The following IFIT2 variants were observed in gnomAD, a reference collection of about 807,000 sequenced individuals.
The protein encoded by IFIT2 is interferon-induced protein with tetratricopeptide repeats 2.
A neutral mutation model predicts 2.5 loss-of-function variants in IFIT2; 3 were observed. The ratio of observed to expected loss-of-function variants is 1.21; its 90% CI spans 0.55 to 3.14. IFIT2 has a LOEUF of 3.14. Among genes scored for constraint, IFIT2 ranks in the 30% most tolerant of loss-of-function variants. IFIT2 has a pLI of 0.03. For synonymous variants in IFIT2, 212 were observed against 200.7 expected (o/e 1.06, Z -0.48); for missense variants, 493 against 558.9 (o/e 0.88, Z 1.19).
intron 1 of IFIT2, among the ~76,000 whole-genome samples, chr10:89,302,971 A>G (rs1843454965): frequency 6.6e-6 from 1 of 150,912 alleles, no homozygotes; most frequent in Non-Finnish European, 1.5e-5. Context: ...TCTTGAAACG[A>G]TATTATTTCC....
chr10:89,304,215 T>C (rs1843463322), intron 1 of IFIT2, among the ~76,000 whole-genome samples: 1 of 152,122 alleles, frequency 6.6e-6, no homozygotes, highest in Non-Finnish European at 1.5e-5. Flanking sequence ...TCCAAATAGG[T>C]CTTAGCAAAG....
Position 89,306,760 on chromosome 10 carries a change from A to T in IFIT2, c.804A>T (p.Glu268Asp). 6.2e-7 allele frequency: 1 copy of T among 1,614,148 alleles called. No individual in the cohort carries two copies. Among genetic ancestry groups the T allele is most frequent in the Non-Finnish European group, 8.5e-7 (1 of 1,179,986 alleles). ...RRKDEPDKAI[E>D]LLKKALEYIP... ...AAGATGAGCCAGACAAAGCGATTGA[A>T]CTGCTTAAAAAGGCTTTAGAATACA... is the stretch of plus-strand genomic sequence containing the variant. The change falls in exon 2 of 2, where the codon GAA becomes GAT. Residue 268 changes from glutamate to aspartate, a missense_variant. Transcript: ENST00000371826.
Position 89,308,961 on chromosome 10 carries a change from T to C in IFIT2, c.*1586T>C, listed in dbSNP as rs570609258. The C allele has an allele frequency of 6.6e-6, 1 of 152,352 alleles. No homozygotes were observed. Among genetic ancestry groups the C allele is most frequent in the East Asian group, 1.9e-4 (1 of 5,192 alleles). 9.4% of individuals were successfully genotyped at this position (152,352 alleles called of 1,614,324 possible). ...GTTCATCTGGAATTTTGCTGTACTT[T>C]AAATCTTTCAGACTCAGCTACTGAT... On this transcript the variant is annotated 3_prime_UTR_variant, in exon 2 of 2. Transcript: ENST00000371826.
Position 89,306,339 on chromosome 10 carries a change from C to G in IFIT2, c.383C>G (p.Ser128Cys). Reference sequence around the variant, plus strand: ...GTGAAACATGTCTGTGAGAAGTTTTCCAGTCCCTATAGAATTGAGAGTCCA... The same window carrying G: ...GTGAAACATGTCTGTGAGAAGTTTTGCAGTCCCTATAGAATTGAGAGTCCA... ...DKVKHVCEKF[S>C]SPYRIESPEL... Residue 128 changes from serine (S) to cysteine (C), a missense_variant, in exon 2 of 2, where the codon TCC (serine) becomes TGC (cysteine). Coordinates refer to ENST00000371826, the MANE Select transcript of IFIT2 (RefSeq NM_001547.5). The G allele has an allele frequency of 6.2e-7, 1 of 1,614,096 alleles. No homozygotes were observed. Among genetic ancestry groups the G allele is most frequent in the South Asian group, 1.1e-5 (1 of 91,088 alleles).
chr10:89,305,093 G>T (rs554266996), intron 1 of IFIT2, among the ~76,000 whole-genome samples: 19 of 151,928 alleles, frequency 1.3e-4, no homozygotes, highest in African/African-American at 4.6e-4. Flanking sequence ...ATAGAGGTAT[G>T]GGGGGGAGGG....
rs1342934498 is a variant in IFIT2 at position 89,308,905 on chromosome 10, T to G, written c.*1530T>G. 4 of 152,330 alleles carry G rather than the reference T, an allele frequency of 2.6e-5. No homozygotes were observed. Among genetic ancestry groups the G allele is most frequent in the African/African-American group, 9.6e-5 (4 of 41,560 alleles). The allele number at this position is 152,330 out of a possible 1,614,324, so 9.4% of individuals were successfully genotyped here. On this transcript the variant is annotated 3_prime_UTR_variant, in exon 2 of 2. Coordinates refer to ENST00000371826, the MANE Select transcript of IFIT2 (RefSeq NM_001547.5). ...CATATATTTTCATTAATAAATAACC[T>G]AAATATGATAAAACATAAAGCAGTG...
In IFIT2 at chr10:89,306,344, C is replaced by A; in HGVS notation, c.388C>A (p.Pro130Thr). Residue 130 changes from proline to threonine, a missense_variant, in exon 2 of 2, where the codon CCC becomes ACC. By Grantham distance (38) the Pro-to-Thr change is conservative (BLOSUM62 -1). Transcript: ENST00000371826. The part of the protein sequence containing the change: ...VKHVCEKFSS[P>T]YRIESPELDC... ...ACATGTCTGTGAGAAGTTTTCCAGT[C>A]CCTATAGAATTGAGAGTCCAGAGCT... 6.2e-7 allele frequency: 1 copy of A among 1,614,064 alleles called. No homozygotes were observed. The highest frequency in any genetic ancestry group is 8.5e-7 in the Non-Finnish European group (1 of 1,179,992).
Position 89,307,577 on chromosome 10 carries a change from T to G in IFIT2, c.*202T>G, listed in dbSNP as rs1332234515. On this transcript the variant is annotated 3_prime_UTR_variant, in exon 2 of 2. Transcript: ENST00000371826. ...AGGAGTTCTGGGAGAGGGACCAGATTGGGGGGTAGGTCCACGGGCTTGGTG... is the reference window on the plus strand; with the variant it reads ...AGGAGTTCTGGGAGAGGGACCAGATGGGGGGGTAGGTCCACGGGCTTGGTG... 6.0e-6 allele frequency: 3 copies of G among 503,120 alleles called. No homozygotes were observed. The highest frequency in any genetic ancestry group is 1.9e-5 in the African/African-American group (1 of 52,798). The allele number at this position is 503,120 out of a possible 1,614,324, so 31.2% of individuals were successfully genotyped here.
intron 1 of IFIT2, 78 bp from the exon 2 acceptor site, chr10:89,305,884 G>A (rs1843474635): frequency 2.1e-6 from 2 of 957,360 alleles, no homozygotes; most frequent in African/African-American, 1.6e-5. Flanking sequence ...AGGAGGAGGA[G>A]CATTTTATTT....
At chr10:89,304,274 C>T (rs1843463824) in intron 1 of IFIT2, among the ~76,000 whole-genome samples, 1 of 138,096 alleles carries the variant, frequency 7.2e-6, no homozygotes, top group Non-Finnish European at 1.5e-5. Context: ...GGTGCGGGAG[C>T]CCCGGAGAGT....
In IFIT2 at chr10:89,306,786, T is replaced by A; in HGVS notation, c.830T>A (p.Ile277Lys). 1 of 1,614,110 alleles carries A rather than the reference T, an allele frequency of 6.2e-7. No individual in the cohort carries two copies. Residue 277 changes from isoleucine to lysine, a missense_variant, in exon 2 of 2, where the codon ATA (isoleucine) becomes AAA (lysine). Physicochemically the swap from Ile to Lys is moderately radical, Grantham distance 102. Transcript: ENST00000371826. ...IELLKKALEYIPNNAYLHCQI... is the reference protein window; with the variant it reads ...IELLKKALEYKPNNAYLHCQI... The stretch of plus-strand genomic sequence containing the variant: ...CTGCTTAAAAAGGCTTTAGAATACA[T>A]ACCAAACAATGCCTACCTGCATTGC...
chr10:89,304,467 C>T (rs1456214239), intron 1 of IFIT2, among the ~76,000 whole-genome samples: 1 of 152,154 alleles, frequency 6.6e-6, no homozygotes, highest in Admixed American at 6.5e-5. Flanking sequence ...GTCACATAAT[C>T]TTCTATCTAG....
At position 89,307,302 on chromosome 10, in the gene IFIT2, C is replaced by A. The variant is rs186703110; in HGVS notation, c.1346C>A (p.Ala449Glu). 2.4e-5 allele frequency: 38 copies of A among 1,613,878 alleles called. No individual in the cohort carries two copies. In the East Asian group the frequency reaches 7.4e-4, roughly 31 times the overall value. ...LQELNEKMQQ[A>E]DEDSERGLES... is the part of the protein sequence containing the mutation. ...GAGCTGAATGAAAAAATGCAACAAG[C>A]AGATGAAGACTCTGAGAGGGGTTTG... Residue 449 changes from alanine to glutamate, a missense_variant, in exon 2 of 2, where the codon GCA becomes GAA. Physicochemically the swap from Ala to Glu is moderately radical, Grantham distance 107. Transcript: ENST00000371826.
intron 1 of IFIT2, among the ~76,000 whole-genome samples, chr10:89,304,051 C>A (rs1463181843): frequency 6.6e-6 from 1 of 152,212 alleles, no homozygotes; most frequent in Non-Finnish European, 1.5e-5. Context: ...TCCTGTGAAG[C>A]ACTCTAGTAA....
intron 1 of IFIT2, among the ~76,000 whole-genome samples, chr10:89,305,742 G>T (rs1481980973): frequency 2.0e-5 from 3 of 152,090 alleles, no homozygotes; most frequent in African/African-American, 7.2e-5. Flanking sequence ...ACAACCCACT[G>T]CCCTCGCCCT....
rs1034172343 is a variant in IFIT2, at chr10:89,309,047, A to C, written c.*1672A>C. 1 of 152,212 alleles carries C rather than the reference A, an allele frequency of 6.6e-6. No individual in the cohort carries two copies. The highest frequency in any genetic ancestry group is 2.4e-5 in the African/African-American group (1 of 41,446). 9.4% of individuals were successfully genotyped at this position (152,212 alleles called of 1,614,324 possible). On this transcript the variant is annotated 3_prime_UTR_variant, in exon 2 of 2. Transcript: ENST00000371826. ...ATAACCTCGACTGGTCTACTATCAT[A>C]ATCACCTGAACAGAACAAAACTTTT...
chr10:89,303,714 A>G (rs781444544), intron 1 of IFIT2, among the ~76,000 whole-genome samples: 8 of 152,194 alleles, frequency 5.3e-5, no homozygotes, highest in East Asian at 1.9e-4. Context: ...CCTCAATTCT[A>G]TTTACTCTCT....
rs765229072 is a variant in IFIT2, at chr10:89,306,582, A to T, written c.626A>T (p.Gln209Leu). Residue 209 changes from glutamine (Q) to leucine (L), a missense_variant, in exon 2 of 2, where the codon CAG becomes CTG. Physicochemically the swap from Gln to Leu is moderately radical, Grantham distance 113 (BLOSUM62 -2). Coordinates refer to ENST00000371826, the MANE Select transcript of IFIT2 (RefSeq NM_001547.5). ...GCCATTCGGCTGAATCCTGACAACC[A>T]GTACCTTAAAGTCCTCCTGGCTCTG... ...RQAIRLNPDN[Q>L]YLKVLLALKL... The T allele has an allele frequency of 6.2e-7, 1 of 1,614,100 alleles. No individual in the cohort carries two copies. The highest frequency in any genetic ancestry group is 8.5e-7 in the Non-Finnish European group (1 of 1,179,950).
chr10:89,304,457 G>A (rs549936832), intron 1 of IFIT2, among the ~76,000 whole-genome samples: 1 of 152,234 alleles, frequency 6.6e-6, no homozygotes, highest in Admixed American at 6.5e-5. Flanking sequence ...AGAAAGAGGG[G>A]TCACATAATC....
Sources: allele counts gnomAD v4.1 joint callset (sites outside exome capture counted in the v4.1 genomes callset), GRCh38; gene constraint gnomAD v4.1.1; transcripts MANE v1.5; gene names NCBI Gene and HGNC (gene_info 2026-07-23, HGNC 2026-07-21).